Variants in FAM222B observed in about 807,000 individuals in gnomAD.
FAM222B encodes the protein family with sequence similarity 222 member B, also known as protein FAM222B.
A neutral mutation model predicts 38.0 loss-of-function variants in FAM222B; 12 were observed. That is an observed-to-expected ratio of 0.32 (90% CI 0.20 to 0.51). The LOEUF (loss-of-function observed/expected upper bound fraction) is 0.51, where lower values mean the gene tolerates loss of function less well. Ranked by LOEUF, FAM222B falls within the 20% of genes least tolerant of loss-of-function variation. FAM222B has a pLI of 0.97. For missense variants in FAM222B, 716 were observed against 754.2 expected, an observed-to-expected ratio of 0.95 and a Z score of 0.59; for synonymous variants, 329 against 317.2, an observed-to-expected ratio of 1.04 and a Z score of -0.40.
chr17:28,817,281 C>A (rs1040361895), intron 1 of FAM222B, among the ~76,000 whole-genome samples: 4 of 150,966 alleles, frequency 2.6e-5, no homozygotes, highest in African/African-American at 7.3e-5. Context: ...GGCGTGGTGG[C>A]ACATGCCTGT....
chr17:28,799,038 G>A lies in FAM222B; in HGVS notation c.-40-32331C>T, dbSNP rs549538755. The stretch of plus-strand genomic sequence containing the variant: ...TTGACAGGATGGAGTGCAGTGGCAC[G>A]ATCTCGGCTCACTGCAACCTCCGCC... On this transcript the variant is annotated intron_variant, in intron 1 of 2. Coordinates refer to ENST00000581407, the MANE Select transcript of FAM222B (RefSeq NM_001077498.3). Among the ~76,000 whole-genome samples, 316 of 150,424 alleles carry A rather than the reference G, an allele frequency of 2.1e-3. 1 individual carries two copies. Among genetic ancestry groups the A allele is most frequent in the Middle Eastern group, 0.014 (4 of 290 alleles).
chr17:28,823,291 T>C (rs1379078854), intron 1 of FAM222B, among the ~76,000 whole-genome samples: 3 of 151,894 alleles, frequency 2.0e-5, no homozygotes, highest in African/African-American at 4.8e-5. Context: ...CCCTAGGTTG[T>C]CAAATCCTGT....
At chr17:28,834,525 C>T (rs1555589746) in intron 1 of FAM222B, among the ~76,000 whole-genome samples, 2 of 151,760 alleles carry the variant, frequency 1.3e-5, no homozygotes, top group Admixed American at 6.6e-5. Context: ...TTTTCCAATC[C>T]TTTTTTTTGC....
intron 1 of FAM222B, among the ~76,000 whole-genome samples, chr17:28,840,225 G>A (rs1427042730): frequency 6.6e-6 from 1 of 151,956 alleles, no homozygotes; most frequent in Non-Finnish European, 1.5e-5. Context: ...AAACTAGCCG[G>A]GCATGGTGGT....
At chr17:28,785,150 C>T (rs73986752) in intron 1 of FAM222B, among the ~76,000 whole-genome samples, 210 of 152,160 alleles carry the variant, frequency 1.4e-3, no homozygotes, top group African/African-American at 4.9e-3. Context: ...GATTAAGTAA[C>T]TTGTTCTGTG....
At chr17:28,781,678 T>C (rs1225489465) in intron 1 of FAM222B, among the ~76,000 whole-genome samples, 1 of 152,140 alleles carries the variant, frequency 6.6e-6, no homozygotes, top group Non-Finnish European at 1.5e-5. Flanking sequence ...AAAATGTATA[T>C]AAACACAATG....
chr17:28,823,971 A>AG (rs2038351633), intron 1 of FAM222B, among the ~76,000 whole-genome samples: 1 of 143,308 alleles, frequency 7.0e-6, no homozygotes, highest in Non-Finnish European at 1.5e-5. Context: ...TCTGCCTCCC[A>AG]GGTTCATGCC....
At chr17:28,779,230 C>T (rs555628075) in intron 1 of FAM222B, among the ~76,000 whole-genome samples, 1 of 152,164 alleles carries the variant, frequency 6.6e-6, no homozygotes, top group South Asian at 2.1e-4. Flanking sequence ...AAGGACACTA[C>T]AAGAAAATTA....
chr17:28,845,570 T>C (rs1202722091), upstream of FAM222B, among the ~76,000 whole-genome samples: 1 of 149,720 alleles, frequency 6.7e-6, no homozygotes, highest in Non-Finnish European at 1.5e-5. Context: ...AGAGCGAGAC[T>C]CTGTCTCAAA....
intron 1 of FAM222B, among the ~76,000 whole-genome samples, chr17:28,806,114 T>G (rs1163932446): frequency 1.3e-5 from 2 of 151,972 alleles, no homozygotes; most frequent in Non-Finnish European, 2.9e-5. Flanking sequence ...ATCGCGCCAT[T>G]GCACTCCAAC....
intron 1 of FAM222B, among the ~76,000 whole-genome samples, chr17:28,818,444 C>A (rs925879238): frequency 6.6e-6 from 1 of 151,374 alleles, no homozygotes; most frequent in South Asian, 2.1e-4. Flanking sequence ...AGGAGAATGG[C>A]GTGAACCTGG....
At chr17:28,823,875 ATT>A (rs367743538) in intron 1 of FAM222B, among the ~76,000 whole-genome samples, 31 of 134,010 alleles carry the variant, frequency 2.3e-4, no homozygotes, top group African/African-American at 2.8e-4. Context: ...CCAAAAGAGA[ATT>A]TTTTTTTTTT....
rs370134750 is a variant in FAM222B at position 28,825,044 on chromosome 17, G to A, written c.-41+17638C>T. Among the ~76,000 whole-genome samples, 19 of 152,116 alleles carry A rather than the reference G, an allele frequency of 1.2e-4. No individual in the cohort carries two copies. The East Asian group carries it at 1.9e-3, about 16-fold the overall frequency. On this transcript the variant is annotated intron_variant, in intron 1 of 2. Coordinates refer to ENST00000581407, the MANE Select transcript of FAM222B (RefSeq NM_001077498.3). ...CTCCCAAAGTGCTGGGATTACAGGC[G>A]TGAACCACTGTGCCCGCACTACAAT...
chr17:28,813,970 G>A (rs1369243038), intron 1 of FAM222B, among the ~76,000 whole-genome samples: 1 of 151,860 alleles, frequency 6.6e-6, no homozygotes, highest in African/African-American at 2.4e-5. Flanking sequence ...AGCACTTTGG[G>A]AGGCCAACGT....
chr17:28,847,767 AGCCGGGCGCCAT>A (rs1002290838), upstream of FAM222B, among the ~76,000 whole-genome samples: 3 of 151,216 alleles, frequency 2.0e-5, no homozygotes, highest in African/African-American at 7.3e-5. Flanking sequence ...ACAAAAAATG[AGCCGGGCGCCAT>A]GGCGGGCGCC....
chr17:28,842,707 T>C lies in FAM222B; in HGVS notation c.-66A>G. ...GGTCGGTGACTGGGCCCGGCCCTCA[T>C]GGCTGCTCCTTTGCCGCCCGCCGCC... On this transcript the variant is annotated 5_prime_UTR_variant, in exon 1 of 3. An upstream start codon of the reference 5' UTR is lost. Coordinates refer to ENST00000581407, the MANE Select transcript of FAM222B (RefSeq NM_001077498.3). 1 of 151,982 alleles carries C rather than the reference T, an allele frequency of 6.6e-6. No individual in the cohort carries two copies. 9.4% of individuals were successfully genotyped at this position (151,982 alleles called of 1,614,324 possible).
At chr17:28,822,919 G>A (rs1292705595) in intron 1 of FAM222B, among the ~76,000 whole-genome samples, 2 of 133,540 alleles carry the variant, frequency 1.5e-5, no homozygotes, top group African/African-American at 2.9e-5. Context: ...TTAGCCAGGC[G>A]TGCTTCCATG....
At chr17:28,808,652 C>T (rs2037602339) in intron 1 of FAM222B, among the ~76,000 whole-genome samples, 1 of 152,314 alleles carries the variant, frequency 6.6e-6, no homozygotes, top group Middle Eastern at 3.4e-3. Context: ...GATTCAGCTT[C>T]CAAGAGTCAA....
intron 1 of FAM222B, among the ~76,000 whole-genome samples, chr17:28,829,050 T>G (rs1037411471): frequency 1.3e-5 from 2 of 150,462 alleles, no homozygotes; most frequent in Middle Eastern, 3.2e-3. Flanking sequence ...GGACTACAGG[T>G]GCGCGCCACC....
Sources: gnomAD v4.1 joint callset for allele counts (sites outside exome capture counted in the v4.1 genomes callset) on GRCh38, gnomAD v4.1.1 for gene constraint, MANE v1.5 for transcripts, NCBI Gene and HGNC (gene_info 2026-07-23, HGNC 2026-07-21) for gene names.